The following ZNF726 variants were observed in gnomAD, a reference collection of about 807,000 sequenced individuals.
The protein encoded by ZNF726 is zinc finger protein 726.
A neutral mutation model predicts 11.6 loss-of-function variants in ZNF726; 15 were observed. The ratio of observed to expected loss-of-function variants is 1.29; its 90% confidence interval spans 0.86 to 1.99. The LOEUF (loss-of-function observed/expected upper bound fraction) is 1.99, where lower values mean the gene tolerates loss of function less well. Ranked by LOEUF, ZNF726 falls within the 30% of genes most tolerant of loss-of-function variation. The pLI, the probability that ZNF726 is intolerant of heterozygous loss-of-function variation, is 0.00. For missense variants in ZNF726, 890 were observed against 725.6 expected (o/e 1.23, Z -2.60); for synonymous variants, 295 against 243.6 (o/e 1.21, Z -1.96).
chr19:23,916,592 A>G (rs1409239232), intron 1 of ZNF726, among the ~76,000 whole-genome samples: 3 of 152,162 alleles, frequency 2.0e-5, no homozygotes, highest in African/African-American at 7.2e-5. Flanking sequence ...CGGCCTCCCA[A>G]AGAGCTGGGA....
chr19:23,918,770 A>G (rs896324115), intron 1 of ZNF726, among the ~76,000 whole-genome samples: 1 of 151,906 alleles, frequency 6.6e-6, no homozygotes, highest in Non-Finnish European at 1.5e-5. Context: ...TTTGTTGGTA[A>G]ATGAAAGCTC....
chr19:23,930,949 A>G (rs1968090642), intron 3 of ZNF726, among the ~76,000 whole-genome samples: 1 of 152,138 alleles, frequency 6.6e-6, no homozygotes, highest in South Asian at 2.1e-4. Flanking sequence ...CTTAATACGT[A>G]TTAAACAGCT....
chr19:23,925,713 C>CT (rs1207103965), intron 3 of ZNF726, among the ~76,000 whole-genome samples: 2,524 of 112,474 alleles, frequency 0.022, 33 homozygotes, highest in Non-Finnish European at 0.031. Context: ...TTTTTCTTTT[C>CT]TTTTTTTTTT....
intron 4 of ZNF726, chr19:23,944,660 T>C: frequency 5.1e-6 from 1 of 197,188 alleles, no homozygotes; most frequent in Non-Finnish European, 9.9e-6. Flanking sequence ...CCAAAGCTTT[T>C]TAGTCCCGTT....
downstream of ZNF726, among the ~76,000 whole-genome samples, chr19:23,937,481 C>T (rs1341582207): frequency 1.9e-4 from 29 of 150,344 alleles, no homozygotes; most frequent in Non-Finnish European, 7.4e-5. Context: ...GGCGGCCGGG[C>T]AGAGACGCTC....
At chr19:23,930,801 A>G (rs1403492143) in intron 3 of ZNF726, among the ~76,000 whole-genome samples, 2 of 152,106 alleles carry the variant, frequency 1.3e-5, no homozygotes, top group Non-Finnish European at 2.9e-5. Flanking sequence ...TCTTTTAGGT[A>G]TTATTGTTTA....
intron 3 of ZNF726, among the ~76,000 whole-genome samples, chr19:23,930,824 TA>T (rs1421156525): frequency 6.6e-6 from 1 of 152,184 alleles, no homozygotes; most frequent in African/African-American, 2.4e-5. Context: ...TTTGCTTGTC[TA>T]AAAAACACGA....
At chr19:23,920,283 C>T in intron 3 of ZNF726, 1 of 362,934 alleles carries the variant, frequency 2.8e-6, no homozygotes, top group South Asian at 2.5e-5. Context: ...ACTCTCCCTT[C>T]AATGATCTTC....
At chr19:23,938,963 T>G (rs1478248539), downstream of ZNF726, among the ~76,000 whole-genome samples, 1 of 152,016 alleles carries the variant, frequency 6.6e-6, no homozygotes, top group Non-Finnish European at 1.5e-5. Flanking sequence ...AGTATAAGAA[T>G]GATTTTTTTT....
chr19:23,935,207 C>G, downstream of ZNF726: 4 of 435,190 alleles, frequency 9.2e-6, no homozygotes, highest in South Asian at 6.5e-5. Flanking sequence ...ATCACAGGGG[C>G]AGGTTTCCCA....
rs1039165249 is a variant in ZNF726, at chr19:23,934,209, G to A, written c.*242G>A. 3 of 759,784 alleles carry A rather than the reference G, an allele frequency of 3.9e-6. No individual in the cohort carries two copies. The highest frequency in any genetic ancestry group is 3.9e-5 in the Admixed American group (2 of 51,508). The allele number at this position is 759,784 out of a possible 1,614,324, so 47.1% of individuals were successfully genotyped here. On this transcript the variant is annotated 3_prime_UTR_variant, in exon 4 of 4. Coordinates refer to ENST00000594466, the MANE Select transcript of ZNF726 (RefSeq NM_001244038.2). ...TACTACACATAAGATAATTCATACT[G>A]GAAATAAACCCTACAAATGTGAAAA...
intron 1 of ZNF726, among the ~76,000 whole-genome samples, chr19:23,915,346 G>T (rs1056278443): frequency 2.0e-5 from 3 of 152,138 alleles, no homozygotes; most frequent in Non-Finnish European, 2.9e-5. Flanking sequence ...AATGGGAAGA[G>T]CTTTGGTCCG....
At chr19:23,930,616 C>T (rs186508270) in intron 3 of ZNF726, among the ~76,000 whole-genome samples, 45 of 151,586 alleles carry the variant, frequency 3.0e-4, no homozygotes, top group African/African-American at 1.1e-3. Flanking sequence ...TTTTTAATAA[C>T]GTGTATATTT....
chr19:23,926,806 A>G (rs1599461776), intron 3 of ZNF726, among the ~76,000 whole-genome samples: 1 of 151,934 alleles, frequency 6.6e-6, no homozygotes, highest in Non-Finnish European at 1.5e-5. Context: ...TCATCTCTTT[A>G]TCTGTCTTTG....
At chr19:23,922,781 T>A (rs1326419162) in intron 3 of ZNF726, among the ~76,000 whole-genome samples, 1 of 152,176 alleles carries the variant, frequency 6.6e-6, no homozygotes. Flanking sequence ...TATTTTGACC[T>A]CAAGCAGTTC....
intron 3 of ZNF726, chr19:23,920,376 T>C (rs1001864542): frequency 5.2e-6 from 1 of 190,656 alleles, no homozygotes; most frequent in Non-Finnish European, 1.1e-5. Context: ...CTTGTTTTTG[T>C]GGACAGATAG....
chr19:23,925,721 T>C (rs1487695510), intron 3 of ZNF726, among the ~76,000 whole-genome samples: 1 of 149,110 alleles, frequency 6.7e-6, no homozygotes, highest in Non-Finnish European at 1.5e-5. Context: ...TTCTTTTTTT[T>C]TTTTTTTTTT....
chr19:23,932,397 C>A lies in ZNF726; in HGVS notation c.281C>A (p.Ser94Tyr). ...DIWPEQGVED[S>Y]FQKVILRRFE... is the part of the protein sequence containing the mutation. ...TGGCCAGAGCAGGGCGTGGAAGATT[C>A]TTTTCAAAAAGTAATACTAAGAAGA... The change falls in exon 4 of 4, where the codon TCT becomes TAT. Residue 94 changes from serine (S) to tyrosine (Y), a missense_variant. Physicochemically the swap from Ser to Tyr is moderately radical, Grantham distance 144. Coordinates refer to ENST00000594466, the MANE Select transcript of ZNF726 (RefSeq NM_001244038.2). 2 of 1,523,608 alleles carry A rather than the reference C, an allele frequency of 1.3e-6. No individual in the cohort carries two copies. Among genetic ancestry groups the A allele is most frequent in the South Asian group, 1.4e-5 (1 of 71,118 alleles). The allele number at this position is 1,523,608 out of a possible 1,614,324, so 94.4% of individuals were successfully genotyped here. A position where few individuals can be genotyped will look rare whatever the true frequency, so the allele number is the denominator to read the frequency against.
In ZNF726 at chr19:23,932,909, G is replaced by A. The variant is rs566965561; in HGVS notation, c.793G>A (p.Ala265Thr). ...TTACAAGTGTGAAGAATGTGGCAAA[G>A]CATTTAGCCAATCCTCAACACTAAC... ...KPYKCEECGK[A>T]FSQSSTLTIH... is the part of the protein sequence containing the mutation. Residue 265 changes from alanine (A) to threonine (T), a missense_variant, in exon 4 of 4, where the codon GCA becomes ACA. Ala to Thr is a moderately conservative substitution (Grantham distance 58). Coordinates refer to ENST00000594466, the MANE Select transcript of ZNF726 (RefSeq NM_001244038.2). The A allele has an allele frequency of 3.7e-6, 6 of 1,610,446 alleles. No individual in the cohort carries two copies. Among genetic ancestry groups the A allele is most frequent in the East Asian group, 4.5e-5 (2 of 44,796 alleles).
Sources: gnomAD v4.1 joint callset for allele counts (sites outside exome capture counted in the v4.1 genomes callset) on GRCh38, gnomAD v4.1.1 for gene constraint, MANE v1.5 for transcripts, NCBI Gene and HGNC (gene_info 2026-07-23, HGNC 2026-07-21) for gene names.